DRAM1: variants seen among roughly 807,000 people sequenced by gnomAD.
DRAM1 encodes DNA damage regulated autophagy modulator 1.
Under a neutral mutation model 28.5 loss-of-function variants are expected in DRAM1, and 25 were observed. That is an observed-to-expected ratio of 0.88 (90% confidence interval 0.64 to 1.23). The LOEUF is 1.23. Ranked by LOEUF, DRAM1 falls within the 50% of genes most tolerant of loss-of-function variation. The pLI is 0.00. For synonymous variants in DRAM1, 113 were observed against 114.2 expected (o/e 0.99, Z 0.07); for missense variants, 249 against 299.2 (o/e 0.83, Z 1.24).
At chr12:101,905,857 T>TCGG (rs1013028202) in intron 3 of DRAM1, among the ~76,000 whole-genome samples, 1 of 152,114 alleles carries the variant, frequency 6.6e-6, no homozygotes, top group Non-Finnish European at 1.5e-5. Flanking sequence ...TGGCACAATC[T>TCGG]CGGCTTACTG....
intron 3 of DRAM1, among the ~76,000 whole-genome samples, chr12:101,904,072 C>T (rs926993694): frequency 6.6e-5 from 10 of 151,694 alleles, no homozygotes; most frequent in East Asian, 2.0e-4. Flanking sequence ...CTGCAACCTC[C>T]GCCTCTCAGG....
Position 101,914,265 on chromosome 12 carries a change from G to A in DRAM1, c.579+33G>A, listed in dbSNP as rs188940742. The A allele has an allele frequency of 1.1e-4, 169 of 1,571,326 alleles. No homozygotes were observed. In the African/African-American group the frequency reaches 1.9e-3, roughly 18 times the overall value. ...TTAAGTTGTTGTGAATGTGGTTGTC[G>A]GACGTGGTTATGTGAGCTTGTGGCC... On this transcript the variant is annotated intron_variant, in intron 5 of 6. Transcript: ENST00000258534.
intron 3 of DRAM1, among the ~76,000 whole-genome samples, chr12:101,903,491 A>C (rs1873675387): frequency 6.6e-6 from 1 of 152,192 alleles, no homozygotes. Context: ...TCAAACTTAC[A>C]GGAGAGAGTA....
intron 1 of DRAM1, among the ~76,000 whole-genome samples, chr12:101,892,087 G>A (rs57732905): frequency 0.021 from 3,210 of 152,110 alleles, 120 homozygotes; most frequent in African/African-American, 0.073. Context: ...CAGAATATGT[G>A]ACTTAATATT....
intron 5 of DRAM1, among the ~76,000 whole-genome samples, chr12:101,918,025 A>C (rs898446041): frequency 6.6e-6 from 1 of 152,230 alleles, no homozygotes; most frequent in East Asian, 1.9e-4. Context: ...AAAAATGTGA[A>C]AAGCACATGG....
chr12:101,893,075 A>G (rs1873199444), intron 1 of DRAM1, among the ~76,000 whole-genome samples: 25 of 152,204 alleles, frequency 1.6e-4, no homozygotes, highest in Admixed American at 1.6e-3. Context: ...AATCAGATTT[A>G]CCATGGCAGT....
In DRAM1 at chr12:101,922,034, T is replaced by C. The variant is rs1874504700; in HGVS notation, c.*774T>C. The C allele has an allele frequency of 6.6e-6, 1 of 152,228 alleles. No homozygotes were observed. The highest frequency in any genetic ancestry group is 2.4e-5 in the African/African-American group (1 of 41,454). The allele number at this position is 152,228 out of a possible 1,614,324, so 9.4% of individuals were successfully genotyped here. A position where few individuals can be genotyped will look rare whatever the true frequency, so the allele number is the denominator to read the frequency against. On this transcript the variant is annotated 3_prime_UTR_variant, in exon 7 of 7. Coordinates refer to ENST00000258534, the MANE Select transcript of DRAM1 (RefSeq NM_018370.3). Reference sequence around the variant, plus strand: ...GGTGAAAACCATCCTTTATTGTTGCTGGCACAACTTGATATATAGTCTGAC... The same window carrying C: ...GGTGAAAACCATCCTTTATTGTTGCCGGCACAACTTGATATATAGTCTGAC...
intron 4 of DRAM1, among the ~76,000 whole-genome samples, chr12:101,912,187 G>A (rs1003667301): frequency 6.6e-6 from 1 of 152,156 alleles, no homozygotes; most frequent in African/African-American, 2.4e-5. Context: ...GTGAAAGAGC[G>A]AGACTCCATC....
intron 1 of DRAM1, among the ~76,000 whole-genome samples, chr12:101,891,047 C>A (rs371627860): frequency 4.8e-4 from 73 of 152,318 alleles, no homozygotes; most frequent in African/African-American, 1.7e-3. Flanking sequence ...CCGCGCCCGG[C>A]CTGCCCCCCA....
At chr12:101,900,656 A>G (rs1188220314) in intron 2 of DRAM1, among the ~76,000 whole-genome samples, 2 of 152,232 alleles carry the variant, frequency 1.3e-5, no homozygotes, top group Non-Finnish European at 2.9e-5. Flanking sequence ...TTAGACTGAC[A>G]GAATTAAAAA....
intron 5 of DRAM1, among the ~76,000 whole-genome samples, chr12:101,918,870 A>C (rs1254350121): frequency 6.6e-6 from 1 of 152,166 alleles, no homozygotes; most frequent in African/African-American, 2.4e-5. Flanking sequence ...AGCTAACATC[A>C]GAATGCAGAC....
rs61082909 is a variant in DRAM1 at position 101,880,278 on chromosome 12, CTTTTTTTTTTTTTTT to C, written c.131+2371_131+2385del. ...ATCTTGCTGTGTCCTGCAATGCTTC[CTTTTTTTTTTTTTTT>C]TTTTTTTTTTTTAAGACAGAGTCTT... On this transcript the variant is annotated intron_variant, in intron 1 of 6. Transcript: ENST00000258534. 0.036 allele frequency among the ~76,000 whole-genome samples: 2,524 copies of C among 70,186 alleles called. 258 individuals are homozygous for C. The East Asian group carries it at 0.39, about 11-fold the overall frequency. 46.0% of individuals were successfully genotyped at this position (70,186 alleles called of 152,430 possible).
At chr12:101,920,029 GA>G in intron 5 of DRAM1, 79 bp from the exon 6 acceptor site, 1 of 1,029,774 alleles carries the variant, frequency 9.7e-7, no homozygotes, top group Non-Finnish European at 1.4e-6. Context: ...TCCTTTGGTT[GA>G]AACTCCTCAT....
Position 101,923,093 on chromosome 12 carries a change from A to AAAATAAATAAATAAATAAAT in DRAM1, c.*1834_*1853dup, listed in dbSNP as rs58464864. On this transcript the variant is annotated 3_prime_UTR_variant, in exon 7 of 7. Coordinates refer to ENST00000258534, the MANE Select transcript of DRAM1 (RefSeq NM_018370.3). The stretch of plus-strand genomic sequence containing the variant: ...GGCAACAGAGTGAGACCCTGTCTCA[A>AAAATAAATAAATAAATAAAT]AAATAAATAAATAAATAAATGAATA... 1 of 151,868 alleles carries AAAATAAATAAATAAATAAAT rather than the reference A, an allele frequency of 6.6e-6. No individual in the cohort carries two copies. The highest frequency in any genetic ancestry group is 2.4e-5 in the African/African-American group (1 of 41,148). 9.4% of individuals were successfully genotyped at this position (151,868 alleles called of 1,614,324 possible).
At chr12:101,919,894 G>A (rs1874410746) in intron 5 of DRAM1, 1 of 380,210 alleles carries the variant, frequency 2.6e-6, no homozygotes, top group Non-Finnish European at 4.7e-6. Flanking sequence ...GTTTGTGCGA[G>A]CCAGAAAGAA....
chr12:101,900,373 A>G (rs61439872), intron 2 of DRAM1, among the ~76,000 whole-genome samples: 10,434 of 152,288 alleles, frequency 0.069, 849 homozygotes, highest in African/African-American at 0.2. Context: ...CTTTCAAATG[A>G]TGTAAGATAC....
At chr12:101,891,474 G>A (rs1055958111) in intron 1 of DRAM1, among the ~76,000 whole-genome samples, 2 of 152,090 alleles carry the variant, frequency 1.3e-5, no homozygotes, top group Admixed American at 1.3e-4. Context: ...TCTTTGTATC[G>A]TTTTCATTCC....
chr12:101,908,961 C>T (rs1303840345), intron 4 of DRAM1, among the ~76,000 whole-genome samples: 1 of 148,198 alleles, frequency 6.7e-6, no homozygotes, highest in Non-Finnish European at 1.5e-5. Context: ...AAAAACAATT[C>T]GGATAAAAGT....
In DRAM1 at chr12:101,921,460, G is replaced by A. The variant is rs1594316345; in HGVS notation, c.*200G>A. The A allele has an allele frequency of 4.8e-6, 2 of 418,762 alleles. No homozygotes were observed. Among genetic ancestry groups the A allele is most frequent in the Non-Finnish European group, 8.5e-6 (2 of 234,662 alleles). 25.9% of individuals were successfully genotyped at this position (418,762 alleles called of 1,614,324 possible). On this transcript the variant is annotated 3_prime_UTR_variant, in exon 7 of 7. Transcript: ENST00000258534. ...AGAGAATGTACAGCCTTATGACACT[G>A]TAGTGATGTTTTTATAATTTTCTAA...
Sources: gnomAD v4.1 joint callset for allele counts (sites outside exome capture counted in the v4.1 genomes callset) on GRCh38, gnomAD v4.1.1 for gene constraint, MANE v1.5 for transcripts, NCBI Gene and HGNC (gene_info 2026-07-23, HGNC 2026-07-21) for gene names.